ACOX3: variants seen among roughly 807,000 people sequenced by gnomAD.
The protein encoded by ACOX3 is acyl-CoA oxidase 3, pristanoyl, also known as peroxisomal acyl-coenzyme A oxidase 3.
Under a neutral mutation model 81.5 loss-of-function variants are expected in ACOX3, and 73 were observed. The observed-to-expected ratio is 0.90, with a 90% CI of 0.74 to 1.09. The LOEUF (loss-of-function observed/expected upper bound fraction) is 1.09. Among genes scored for constraint, ACOX3 ranks in the 50% least tolerant of loss-of-function variants. The pLI is 0.00. For missense variants in ACOX3, 947 were observed against 928.0 expected (o/e 1.02, Z -0.27); for synonymous variants, 387 against 375.1 (o/e 1.03, Z -0.37).
rs1718691505 is a variant in ACOX3 at position 8,389,371 on chromosome 4, G to A, written c.1424-85C>T. The A allele has an allele frequency of 8.4e-6, 12 of 1,424,316 alleles. No individual in the cohort carries two copies. Among genetic ancestry groups the A allele is most frequent in the Non-Finnish European group, 1.2e-5 (12 of 1,036,554 alleles). 88.2% of individuals were successfully genotyped at this position (1,424,316 alleles called of 1,614,324 possible). On this transcript the variant is annotated intron_variant, in intron 12 of 17. Coordinates refer to ENST00000356406, the MANE Select transcript of ACOX3 (RefSeq NM_003501.3). This position sits in a 1 kb window ranked among gnomAD's most constrained non-coding sequence, Gnocchi z 5.3. The stretch of plus-strand genomic sequence containing the variant: ...CAAGCTGGGGGCACCCCAAAGCACA[G>A]AGAGTGTCCAGAGGACCCGACGGCC...
chr4:8,390,998 C>T (rs1718917858), intron 11 of ACOX3, among the ~76,000 whole-genome samples: 1 of 131,910 alleles, frequency 7.6e-6, no homozygotes, highest in Non-Finnish European at 1.7e-5. Flanking sequence ...TCAATCCCAG[C>T]ATATGTATAT....
downstream of ACOX3, among the ~76,000 whole-genome samples, chr4:8,361,674 G>A (rs1162173144): frequency 6.6e-6 from 1 of 152,078 alleles, no homozygotes; most frequent in African/African-American, 2.4e-5. Flanking sequence ...ATAAAAATGT[G>A]TAAAGGGTTA....
In ACOX3 at chr4:8,423,258, C is replaced by G. The variant is rs1723137467; in HGVS notation, c.-14-6723G>C. Reference sequence around the variant, plus strand: ...CTAATTATGCCTGAAACCCCCACACCCTTGTTAGGGAGATACATTCTAGCA... The same window carrying G: ...CTAATTATGCCTGAAACCCCCACACGCTTGTTAGGGAGATACATTCTAGCA... On this transcript the variant is annotated intron_variant, in intron 1 of 17. Coordinates refer to ENST00000356406, the MANE Select transcript of ACOX3 (RefSeq NM_003501.3). The surrounding 1 kb of genome is among the most constrained non-coding windows in gnomAD (Gnocchi z 4.2). Among the ~76,000 whole-genome samples, 1 of 152,096 alleles carries G rather than the reference C, an allele frequency of 6.6e-6. No individual in the cohort carries two copies. Among genetic ancestry groups the G allele is most frequent in the African/African-American group, 2.4e-5 (1 of 41,394 alleles).
intron 17 of ACOX3, among the ~76,000 whole-genome samples, chr4:8,369,517 A>G (rs1715885287): frequency 6.6e-6 from 1 of 152,080 alleles, no homozygotes; most frequent in African/African-American, 2.4e-5. Context: ...TCAGTCCCCG[A>G]TGCAGGACAG....
At chr4:8,393,615 GCACACACACACACA>G (rs61109010) in intron 10 of ACOX3, among the ~76,000 whole-genome samples, 1 of 140,506 alleles carries the variant, frequency 7.1e-6, no homozygotes, top group African/African-American at 2.8e-5. Context: ...ACACACACAC[GCACACACACACACA>G]CACACACGCA....
At chr4:8,364,504 T>C (rs575394358), downstream of ACOX3, among the ~76,000 whole-genome samples, 23 of 94,050 alleles carry the variant, frequency 2.4e-4, no homozygotes, top group Admixed American at 4.7e-4. This position sits in a 1 kb window ranked among gnomAD's most constrained non-coding sequence, Gnocchi z 5.0. Flanking sequence ...GTGTCTGACA[T>C]GGTGACATCG....
intron 1 of ACOX3, 40 bp downstream of exon 1, chr4:8,440,608 T>G: frequency 1.9e-6 from 1 of 531,014 alleles, no homozygotes; most frequent in Non-Finnish European, 3.1e-6. Context: ...ACGCCCAGAA[T>G]TCTCTCAAAA....
downstream of ACOX3, among the ~76,000 whole-genome samples, chr4:8,365,050 C>A (rs1340453036): frequency 2.6e-5 from 4 of 152,198 alleles, no homozygotes; most frequent in South Asian, 6.2e-4. Context: ...CACACACGGC[C>A]TGAGGCATCC....
intron 16 of ACOX3, among the ~76,000 whole-genome samples, chr4:8,372,673 C>G (rs778770809): frequency 6.6e-6 from 1 of 152,240 alleles, no homozygotes; most frequent in Non-Finnish European, 1.5e-5. Context: ...CAACGAATCC[C>G]GAGAGAGGCT....
At chr4:8,440,277 T>A (rs899698897) in intron 1 of ACOX3, among the ~76,000 whole-genome samples, 1 of 152,238 alleles carries the variant, frequency 6.6e-6, no homozygotes, top group Non-Finnish European at 1.5e-5. Context: ...AACCTCTTTC[T>A]TCTTTAATCC....
chr4:8,367,632 C>T (rs1578840484), intron 17 of ACOX3, among the ~76,000 whole-genome samples: 2 of 149,210 alleles, frequency 1.3e-5, no homozygotes, highest in Non-Finnish European at 3.0e-5. Flanking sequence ...TTATAAAGTA[C>T]TATAAAACAC....
intron 9 of ACOX3, chr4:8,395,016 C>T: frequency 6.3e-6 from 2 of 316,888 alleles, no homozygotes; most frequent in South Asian, 6.9e-5. Flanking sequence ...ATCAAAGTCA[C>T]TACAGAACAA....
intron 14 of ACOX3, among the ~76,000 whole-genome samples, chr4:8,380,354 C>G (rs2108819622): frequency 6.6e-6 from 1 of 152,114 alleles, no homozygotes; most frequent in South Asian, 2.1e-4. Flanking sequence ...CATGCCTGGC[C>G]AATTTTTTGT....
At chr4:8,403,391 T>C (rs1267167361) in intron 7 of ACOX3, among the ~76,000 whole-genome samples, 1 of 152,048 alleles carries the variant, frequency 6.6e-6, no homozygotes, top group East Asian at 1.9e-4. Context: ...GGATGGGAAA[T>C]GTGCATTTCT....
At chr4:8,357,461 G>C in the ACOX3 span, 1 of 346,602 alleles carries the variant, frequency 2.9e-6, no homozygotes, top group African/African-American at 2.1e-5. Flanking sequence ...GGAGTTATAA[G>C]TGATATCTAT....
chr4:8,415,190 T>A (rs576294017), intron 3 of ACOX3, among the ~76,000 whole-genome samples: 16 of 152,276 alleles, frequency 1.1e-4, no homozygotes, highest in African/African-American at 3.6e-4. Flanking sequence ...CCGAGCACCT[T>A]GTATAAGGCA....
Position 8,400,250 on chromosome 4 carries a change from C to CAATAAT in ACOX3, c.777-604_777-599dup, listed in dbSNP as rs3068615. Among the ~76,000 whole-genome samples, 14,474 of 146,154 alleles carry CAATAAT rather than the reference C, an allele frequency of 0.099. 993 individuals carry two copies. The highest frequency in any genetic ancestry group is 0.19 in the African/African-American group (7,360 of 39,258). On this transcript the variant is annotated intron_variant, in intron 7 of 17. Transcript: ENST00000356406. This position sits in a 1 kb window ranked among gnomAD's most constrained non-coding sequence, Gnocchi z 4.4. ...TTGGTGACAGAGCAAGACTCCACCT[C>CAATAAT]AATAATAATAATAATAATAATAATA...
At chr4:8,374,728 C>A (rs966624523) in intron 15 of ACOX3, 1 of 390,690 alleles carries the variant, frequency 2.6e-6, no homozygotes, top group Non-Finnish European at 4.5e-6. Flanking sequence ...CATGAGGGGG[C>A]CTTCTGGAAG....
At chr4:8,377,564 G>A (rs556710545) in intron 14 of ACOX3, among the ~76,000 whole-genome samples, 2 of 152,314 alleles carry the variant, frequency 1.3e-5, no homozygotes, top group African/African-American at 2.4e-5. Flanking sequence ...CACAGGAAGC[G>A]CCTGCGATGG....
Sources: gnomAD v4.1 joint callset for allele counts (sites outside exome capture counted in the v4.1 genomes callset) on GRCh38, gnomAD v4.1.1 for gene constraint, Gnocchi (gnomAD v3.1) non-coding constraint, MANE v1.5 for transcripts, NCBI Gene and HGNC (gene_info 2026-07-23, HGNC 2026-07-21) for gene names.